Variants in RANBP3L observed in about 807,000 individuals in gnomAD.
RANBP3L encodes RAN binding protein 3 like.
A neutral mutation model predicts 67.2 loss-of-function variants in RANBP3L; 56 were observed. The observed-to-expected ratio is 0.83, with a 90% CI of 0.67 to 1.04. The LOEUF is 1.04. Among genes scored for constraint, RANBP3L ranks in the 50% least tolerant of loss-of-function variants. The pLI is 0.00. For synonymous variants in RANBP3L, 164 were observed against 181.4 expected, an observed-to-expected ratio of 0.90 and a Z score of 0.77; for missense variants, 496 against 535.5, an observed-to-expected ratio of 0.93 and a Z score of 0.73.
At chr5:36,252,964 T>TCTC (rs1300738821) in intron 12 of RANBP3L, among the ~76,000 whole-genome samples, 3 of 152,102 alleles carry the variant, frequency 2.0e-5, no homozygotes, top group African/African-American at 7.2e-5. Context: ...ACTTGGGTAA[T>TCTC]CAGTCTTCTC....
At chr5:36,266,071 A>T (rs1458463448) in intron 4 of RANBP3L, among the ~76,000 whole-genome samples, 2 of 151,780 alleles carry the variant, frequency 1.3e-5, no homozygotes, top group African/African-American at 4.8e-5. Context: ...TTAGGTGACT[A>T]GCAGAAAAGG....
chr5:36,288,038 G>T (rs2112075411), intron 1 of RANBP3L, among the ~76,000 whole-genome samples: 1 of 152,290 alleles, frequency 6.6e-6, no homozygotes, highest in East Asian at 1.9e-4. Flanking sequence ...AGAAAATGAG[G>T]CCTAAATTAC....
At chr5:36,250,080 C>T (rs867138470) in intron 13 of RANBP3L, among the ~76,000 whole-genome samples, 1 of 151,616 alleles carries the variant, frequency 6.6e-6, no homozygotes, top group African/African-American at 2.4e-5. Context: ...TACATAGCAC[C>T]CCTTTCCTAA....
chr5:36,292,037 T>C lies in RANBP3L; in HGVS notation c.91+9289A>G, dbSNP rs1167439097. Among the ~76,000 whole-genome samples, 330 of 139,820 alleles carry C rather than the reference T, an allele frequency of 2.4e-3. 1 individual carries two copies. The highest frequency in any genetic ancestry group is 8.5e-3 in the African/African-American group (318 of 37,610). The allele number at this position is 139,820 out of a possible 152,430, so 91.7% of individuals were successfully genotyped here. On this transcript the variant is annotated intron_variant, in intron 1 of 13. Transcript: ENST00000296604. ...CACCAACAGTGTAAAAGTGTTCCTA[T>C]TTCTCCACATCCTCTCCAGCACCTG...
intron 1 of RANBP3L, among the ~76,000 whole-genome samples, chr5:36,276,025 T>G (rs1750543222): frequency 1.3e-5 from 2 of 152,216 alleles, no homozygotes; most frequent in South Asian, 2.1e-4. Flanking sequence ...AACCCCATGC[T>G]GCTTGCCAAA....
At chr5:36,299,334 T>C (rs1752455265) in intron 1 of RANBP3L, among the ~76,000 whole-genome samples, 2 of 133,664 alleles carry the variant, frequency 1.5e-5, no homozygotes, top group East Asian at 2.3e-4. Flanking sequence ...CACATACATA[T>C]ATGTGTGTGT....
rs116302924 is a variant in RANBP3L at position 36,294,744 on chromosome 5, A to G, written c.91+6582T>C. Reference sequence around the variant, plus strand: ...CTGAAAATTATTTGGTTTTATATATATATATATGTATAGTGTGTGTATATA... The same window carrying G: ...CTGAAAATTATTTGGTTTTATATATGTATATATGTATAGTGTGTGTATATA... On this transcript the variant is annotated intron_variant, in intron 1 of 13. Coordinates refer to ENST00000296604, the MANE Select transcript of RANBP3L (RefSeq NM_145000.5). 2.2e-3 allele frequency among the ~76,000 whole-genome samples: 327 copies of G among 150,078 alleles called. 1 individual carries two copies. The highest frequency in any genetic ancestry group is 0.011 in the Middle Eastern group (3 of 278).
chr5:36,265,794 G>A lies in RANBP3L; in HGVS notation c.269-274C>T, dbSNP rs181304316. Among the ~76,000 whole-genome samples the A allele has an allele frequency of 1.6e-4, 24 of 152,136 alleles. No homozygotes were observed. In the South Asian group the frequency reaches 1.7e-3, roughly 11 times the overall value. On this transcript the variant is annotated intron_variant, in intron 4 of 13. Coordinates refer to ENST00000296604, the MANE Select transcript of RANBP3L (RefSeq NM_145000.5). ...TCGAGACCAGCCTGGCCAACATGGC[G>A]AAACCCCGTCTCTACTAAAAATACA...
At chr5:36,295,572 A>T (rs1203951704) in intron 1 of RANBP3L, among the ~76,000 whole-genome samples, 1 of 151,640 alleles carries the variant, frequency 6.6e-6, no homozygotes, top group Non-Finnish European at 1.5e-5. Context: ...AGACTAATAC[A>T]TTGCCATAGT....
intron 1 of RANBP3L, among the ~76,000 whole-genome samples, chr5:36,284,236 A>G (rs1384241817): frequency 6.6e-6 from 1 of 152,178 alleles, no homozygotes; most frequent in Non-Finnish European, 1.5e-5. Context: ...TCCCTTGTTA[A>G]AAGTCTAGAT....
At chr5:36,296,019 G>A (rs1752191488) in intron 1 of RANBP3L, among the ~76,000 whole-genome samples, 1 of 152,106 alleles carries the variant, frequency 6.6e-6, no homozygotes, top group Non-Finnish European at 1.5e-5. Context: ...ACCATGCTCA[G>A]GGGAGCTTCC....
intron 1 of RANBP3L, 35 bp downstream of exon 1, chr5:36,301,291 A>C: frequency 2.7e-6 from 4 of 1,494,254 alleles, no homozygotes; most frequent in Non-Finnish European, 2.8e-6. Context: ...ACAGAAGGTC[A>C]CAGAATATGC....
chr5:36,299,330 C>CGT (rs1561152882), intron 1 of RANBP3L, among the ~76,000 whole-genome samples: 3 of 131,332 alleles, frequency 2.3e-5, no homozygotes, highest in Admixed American at 7.6e-5. Context: ...TATACACATA[C>CGT]ATATATGTGT....
rs573044938 is a variant in RANBP3L at position 36,265,372 on chromosome 5, C to T, written c.340+77G>A. The T allele has an allele frequency of 7.6e-4, 703 of 927,068 alleles. 3 individuals carry two copies. In the African/African-American group the frequency reaches 9.6e-3, roughly 13 times the overall value. The allele number at this position is 927,068 out of a possible 1,614,324, so 57.4% of individuals were successfully genotyped here. A position where few individuals can be genotyped will look rare whatever the true frequency, so the allele number is the denominator to read the frequency against. On this transcript the variant is annotated intron_variant, in intron 5 of 13. Transcript: ENST00000296604. ...GACCTACCTCCATGCCCCCAACACA[C>T]GCACACATATAGGGAGATGAAAATA...
At position 36,265,091 on chromosome 5, in the gene RANBP3L, C is replaced by A. The variant is rs770173145; in HGVS notation, c.348G>T (p.Val116=). The part of the protein sequence containing the change: ...VDIKSAEQGP[V]KHSKHVIRPA... ...GTCTAATAACATGTTTAGAATGTTT[C>A]ACAGGACCTTAAAAGAATAGAATTA... The change falls in exon 6 of 14, where the codon GTG becomes GTT. Residue 116 remains valine, a synonymous_variant. Coordinates refer to ENST00000296604, the MANE Select transcript of RANBP3L (RefSeq NM_145000.5). 6.3e-6 allele frequency: 10 copies of A among 1,595,576 alleles called. No individual in the cohort carries two copies. The highest frequency in any genetic ancestry group is 8.6e-6 in the Non-Finnish European group (10 of 1,166,084).
intron 1 of RANBP3L, among the ~76,000 whole-genome samples, chr5:36,278,090 AGAG>A (rs1244712873): frequency 6.6e-6 from 1 of 152,186 alleles, no homozygotes; most frequent in Non-Finnish European, 1.5e-5. Flanking sequence ...CTACAATTCA[AGAG>A]GAGATTTGGG....
intron 1 of RANBP3L, among the ~76,000 whole-genome samples, chr5:36,273,479 C>T (rs1750367790): frequency 6.6e-6 from 1 of 152,180 alleles, no homozygotes; most frequent in Non-Finnish European, 1.5e-5. Flanking sequence ...GACACATGGT[C>T]TAATTGAAGG....
Position 36,253,863 on chromosome 5 carries a change from A to G in RANBP3L, c.1025-74T>C. The G allele has an allele frequency of 4.8e-6, 7 of 1,443,740 alleles. 1 individual carries two copies. The South Asian group carries it at 9.6e-5, about 20-fold the overall frequency. 89.4% of individuals were successfully genotyped at this position (1,443,740 alleles called of 1,614,324 possible). The stretch of plus-strand genomic sequence containing the variant: ...GGAATTTACCATTTTCAAAAGCAAA[A>G]TAAATCTTGTAGTTGTTTTTCAGAC... On this transcript the variant is annotated intron_variant, in intron 11 of 13. Coordinates refer to ENST00000296604, the MANE Select transcript of RANBP3L (RefSeq NM_145000.5).
In RANBP3L at chr5:36,284,692, G is replaced by A. The variant is rs16902928; in HGVS notation, c.92-13381C>T. On this transcript the variant is annotated intron_variant, in intron 1 of 13. Transcript: ENST00000296604. ...TCATTTCATGCAGTGTGGGACATAG[G>A]GGCTAGGCAGTTATTTAAAGTTAAG... Among the ~76,000 whole-genome samples, 1,828 of 152,268 alleles carry A rather than the reference G, an allele frequency of 0.012. 150 individuals are homozygous for A. The East Asian group carries it at 0.22, about 18-fold the overall frequency.
Sources: allele counts gnomAD v4.1 joint callset (sites outside exome capture counted in the v4.1 genomes callset), GRCh38; gene constraint gnomAD v4.1.1; transcripts MANE v1.5; gene names NCBI Gene and HGNC (gene_info 2026-07-23, HGNC 2026-07-21).